Variants in HPS1 observed in about 807,000 individuals in gnomAD.
HPS1 encodes HPS1 biogenesis of lysosomal organelles complex 3 subunit 1.
A neutral mutation model predicts 90.6 loss-of-function variants in HPS1; 59 were observed. That is an observed-to-expected ratio of 0.65 (90% CI 0.53 to 0.81). The LOEUF is 0.81. Among genes scored for constraint, HPS1 ranks in the 30% least tolerant of loss-of-function variants. The pLI is 0.00. For synonymous variants in HPS1, 388 were observed against 384.4 expected (o/e 1.01, Z -0.11); for missense variants, 849 against 896.7 (o/e 0.95, Z 0.68).
At chr10:98,430,356 G>A (rs969880269) in intron 8 of HPS1, among the ~76,000 whole-genome samples, 14 of 152,136 alleles carry the variant, frequency 9.2e-5, no homozygotes, top group Admixed American at 8.5e-4. Context: ...TGGCTGACTT[G>A]AAAAATCTGC....
chr10:98,415,208 G>A (rs2136063573), downstream of HPS1: 1 of 1,540,278 alleles, frequency 6.5e-7, no homozygotes, highest in East Asian at 2.3e-5. Flanking sequence ...CTAGGCACGG[G>A]GTGGAGCAGG....
chr10:98,443,074 T>C, intron 3 of HPS1, 50 bp downstream of exon 3: 2 of 1,293,042 alleles, frequency 1.5e-6, no homozygotes, highest in Non-Finnish European at 2.3e-6. Context: ...GGGAGTTTTG[T>C]ATGGTTCCTT....
At chr10:98,414,086 T>C (rs1350217886), downstream of HPS1, 2 of 151,832 alleles carry the variant, frequency 1.3e-5, no homozygotes, top group East Asian at 3.8e-4. Flanking sequence ...TATATGTGTG[T>C]ATATATACAT....
intron 18 of HPS1, among the ~76,000 whole-genome samples, 154 bp downstream of exon 18, chr10:98,419,891 A>G (rs950046097): frequency 6.6e-6 from 1 of 152,158 alleles, no homozygotes; most frequent in African/African-American, 2.4e-5. Context: ...TGAAAATGTG[A>G]CCTCTGAACT....
intron 2 of HPS1, 42 bp from the exon 3 acceptor site, chr10:98,443,282 A>G (rs1255568259): frequency 4.9e-6 from 7 of 1,434,078 alleles, no homozygotes; most frequent in South Asian, 1.1e-5. Flanking sequence ...TCCAGCCCCA[A>G]CATCTATGAG....
At chr10:98,425,458 C>T (rs1161541157) in intron 13 of HPS1, 83 bp downstream of exon 13, 77 of 1,391,712 alleles carry the variant, frequency 5.5e-5, no homozygotes, top group Non-Finnish European at 2.7e-5. Flanking sequence ...GCCCATTGGC[C>T]CCTCAGCTGC....
chr10:98,430,707 G>A (rs1233976889), intron 7 of HPS1, 37 bp from the exon 8 acceptor site: 2 of 1,511,920 alleles, frequency 1.3e-6, no homozygotes, highest in Non-Finnish European at 1.8e-6. Flanking sequence ...ATCAGCACAT[G>A]CCCAGCAGGA....
downstream of HPS1, chr10:98,416,135 G>T (rs1436290261): frequency 6.6e-6 from 1 of 152,284 alleles, no homozygotes; most frequent in East Asian, 1.9e-4. Flanking sequence ...CCTAAGAGGG[G>T]GTTCCGAGGA....
downstream of HPS1, chr10:98,415,312 T>C (rs1228743240): frequency 1.2e-6 from 1 of 832,466 alleles, no homozygotes; most frequent in East Asian, 2.9e-5. Flanking sequence ...GCCCTGGGGC[T>C]GTGCTGGGCC....
chr10:98,425,282 G>A (rs1460186948), intron 13 of HPS1, among the ~76,000 whole-genome samples: 5 of 152,248 alleles, frequency 3.3e-5, no homozygotes, highest in African/African-American at 1.2e-4. Flanking sequence ...ACTTGTCTAA[G>A]CCTTAGTTTC....
At chr10:98,418,856 C>T (rs904643323) in intron 18 of HPS1, among the ~76,000 whole-genome samples, 1 of 152,248 alleles carries the variant, frequency 6.6e-6, no homozygotes, top group Non-Finnish European at 1.5e-5. Flanking sequence ...CGGGGCCACC[C>T]AAGCACACAG....
chr10:98,414,815 C>T, downstream of HPS1: 1 of 750,136 alleles, frequency 1.3e-6, no homozygotes, highest in South Asian at 2.4e-5. Context: ...AGAGCCAGCA[C>T]CGGAATCCCA....
chr10:98,429,916 T>C (rs772409084), intron 8 of HPS1, 27 bp from the exon 9 acceptor site: 2 of 1,594,422 alleles, frequency 1.3e-6, no homozygotes, highest in Non-Finnish European at 1.7e-6. Flanking sequence ...AGAGGCTGGT[T>C]AGCTCCTATC....
At position 98,417,465 on chromosome 10, in the gene HPS1, G is replaced by T; in HGVS notation, c.*99C>A. ...CCCTGGGCACTCTGCCCTATCCTCA[G>T]GATGGCCACTGCAGACAGGAGGCTC... On this transcript the variant is annotated 3_prime_UTR_variant, in exon 20 of 20. Coordinates refer to ENST00000361490, the MANE Select transcript of HPS1 (RefSeq NM_000195.5). This position sits in a 1 kb window ranked among gnomAD's most constrained non-coding sequence, Gnocchi z 4.2. 1 of 1,119,320 alleles carries T rather than the reference G, an allele frequency of 8.9e-7. No homozygotes were observed. 69.3% of individuals were successfully genotyped at this position (1,119,320 alleles called of 1,614,324 possible).
At chr10:98,426,244 G>A (rs1845587854) in intron 11 of HPS1, 1 of 515,420 alleles carries the variant, frequency 1.9e-6, no homozygotes, top group Non-Finnish European at 3.5e-6. Context: ...GAGGGGCTGG[G>A]TGGTGGCACA....
Position 98,443,105 on chromosome 10 carries a change from C to T in HPS1, c.117+19G>A. The T allele has an allele frequency of 6.5e-7, 1 of 1,532,552 alleles. No individual in the cohort carries two copies. The highest frequency in any genetic ancestry group is 9.0e-7 in the Non-Finnish European group (1 of 1,105,484). 94.9% of individuals were successfully genotyped at this position (1,532,552 alleles called of 1,614,324 possible). On this transcript the variant is annotated intron_variant, in intron 3 of 19. Transcript: ENST00000361490. The stretch of plus-strand genomic sequence containing the variant: ...TCCTTCCTATCCACCCCTCCTGGGA[C>T]TGCCTACCCTGCACTCACCTCTTCT...
intron 13 of HPS1, among the ~76,000 whole-genome samples, chr10:98,424,695 G>T (rs1037758468): frequency 2.0e-5 from 3 of 152,188 alleles, no homozygotes; most frequent in Admixed American, 6.5e-5. Context: ...GCAGCGGCTG[G>T]GGTGTGCGGA....
At chr10:98,415,276 T>G, downstream of HPS1, 1 of 1,173,174 alleles carries the variant, frequency 8.5e-7, no homozygotes, top group Non-Finnish European at 1.2e-6. Flanking sequence ...CACCATGCAT[T>G]CTTGGCCACA....
intron 9 of HPS1, 47 bp downstream of exon 9, chr10:98,429,744 G>A (rs1443838428): frequency 1.9e-6 from 3 of 1,613,408 alleles, no homozygotes; most frequent in South Asian, 1.1e-5. Flanking sequence ...CGCCTGCAGA[G>A]GCCGATCCCC....
Sources: allele counts gnomAD v4.1 joint callset (sites outside exome capture counted in the v4.1 genomes callset), GRCh38; gene constraint gnomAD v4.1.1; non-coding constraint Gnocchi (gnomAD v3.1); transcripts MANE v1.5; gene names NCBI Gene and HGNC (gene_info 2026-07-23, HGNC 2026-07-21).